Variants in HTR1E observed in about 807,000 individuals in gnomAD.
HTR1E encodes 5-hydroxytryptamine receptor 1E, also known as 5-HT-1E.
HTR1E carries 3 observed loss-of-function variants against 3.4 expected under a neutral mutation model. That is an observed-to-expected ratio of 0.89 (90% CI 0.41 to 2.31). HTR1E has a LOEUF of 2.31. HTR1E is among the 30% of genes most tolerant of loss of function. The pLI is 0.05. For missense variants in HTR1E, 392 were observed against 467.0 expected (o/e 0.84, Z 1.48); for synonymous variants, 170 against 182.8 (o/e 0.93, Z 0.56).
At chr6:86,998,948 T>C (rs1767980429) in intron 1 of HTR1E, among the ~76,000 whole-genome samples, 1 of 152,140 alleles carries the variant, frequency 6.6e-6, no homozygotes, top group African/African-American at 2.4e-5. Flanking sequence ...GGTTGTTTTT[T>C]TGTTTTGTTT....
chr6:86,990,549 G>A (rs1052263111), intron 1 of HTR1E, among the ~76,000 whole-genome samples: 2 of 152,064 alleles, frequency 1.3e-5, no homozygotes, highest in African/African-American at 4.8e-5. Context: ...AACAACTTGA[G>A]CAATAAAATA....
intron 1 of HTR1E, among the ~76,000 whole-genome samples, chr6:86,954,534 G>C (rs752721463): frequency 7.9e-5 from 12 of 152,098 alleles, no homozygotes; most frequent in African/African-American, 1.2e-4. Context: ...ACTATTTCTG[G>C]ATGGGGAGCC....
intron 1 of HTR1E, among the ~76,000 whole-genome samples, chr6:86,997,414 CA>C (rs1219518527): frequency 6.6e-6 from 1 of 151,604 alleles, no homozygotes; most frequent in Non-Finnish European, 1.5e-5. Flanking sequence ...GTTCATATTT[CA>C]AATGACATAA....
At chr6:86,973,934 GC>G (rs982165558) in intron 1 of HTR1E, among the ~76,000 whole-genome samples, 5 of 152,114 alleles carry the variant, frequency 3.3e-5, no homozygotes, top group Non-Finnish European at 5.9e-5. Flanking sequence ...GAACCGACTG[GC>G]CAGTCACAAG....
chr6:86,977,674 A>G (rs1204992966), intron 1 of HTR1E, among the ~76,000 whole-genome samples: 5 of 152,178 alleles, frequency 3.3e-5, no homozygotes, highest in Non-Finnish European at 5.9e-5. Context: ...TTTTCTCCAC[A>G]GCCTCACCAG....
intron 1 of HTR1E, among the ~76,000 whole-genome samples, chr6:86,974,917 T>A (rs1331443771): frequency 6.6e-6 from 1 of 152,204 alleles, no homozygotes; most frequent in Non-Finnish European, 1.5e-5. Flanking sequence ...TGAGCATTTC[T>A]TTGCTTTATG....
At chr6:86,961,330 A>G (rs1767403829) in intron 1 of HTR1E, among the ~76,000 whole-genome samples, 1 of 152,232 alleles carries the variant, frequency 6.6e-6, no homozygotes, top group South Asian at 2.1e-4. Context: ...AAAAGAAAAT[A>G]TATGTTCATA....
intron 1 of HTR1E, among the ~76,000 whole-genome samples, chr6:87,014,630 A>G (rs922561331): frequency 6.6e-6 from 1 of 152,244 alleles, no homozygotes; most frequent in African/African-American, 2.4e-5. Flanking sequence ...GCAGCCATAA[A>G]AAAGGATGAG....
At chr6:86,938,967 T>A (rs1014926436) in intron 1 of HTR1E, among the ~76,000 whole-genome samples, 2 of 152,230 alleles carry the variant, frequency 1.3e-5, no homozygotes, top group African/African-American at 4.8e-5. Context: ...CTTCCCTTAC[T>A]TAATCCTGCG....
chr6:86,939,777 ATGACT>A (rs1768520157), intron 1 of HTR1E, among the ~76,000 whole-genome samples: 1 of 152,222 alleles, frequency 6.6e-6, no homozygotes, highest in Admixed American at 6.5e-5. Context: ...TTCTGCCATA[ATGACT>A]TCATTCAAGG....
chr6:86,962,874 A>T (rs998826105), intron 1 of HTR1E, among the ~76,000 whole-genome samples: 1 of 152,132 alleles, frequency 6.6e-6, no homozygotes, highest in African/African-American at 2.4e-5. Flanking sequence ...AAATAAAAGC[A>T]TACCACATAC....
chr6:87,010,065 C>A (rs1768186310), intron 1 of HTR1E, among the ~76,000 whole-genome samples: 1 of 128,904 alleles, frequency 7.8e-6, no homozygotes, highest in Non-Finnish European at 1.6e-5. Flanking sequence ...GGGGGCTGAC[C>A]CCCCCACCTC....
Position 87,016,057 on chromosome 6 carries a change from T to C in HTR1E, c.723T>C (p.Thr241=). The change falls in exon 2 of 2, where the codon ACT becomes ACC. Residue 241 remains threonine (T), a synonymous_variant. Transcript: ENST00000305344. ...TTGCAAGTTGTAAACTTACACAGAC[T>C]TTCTGTGTGTCTGACTTCTCCACCT... ...NSFASCKLTQ[T]FCVSDFSTSD... 6.2e-7 allele frequency: 1 copy of C among 1,614,178 alleles called. No homozygotes were observed. The highest frequency in any genetic ancestry group is 8.5e-7 in the Non-Finnish European group (1 of 1,180,020).
chr6:86,992,688 C>G (rs1343223780), intron 1 of HTR1E, among the ~76,000 whole-genome samples: 2 of 152,164 alleles, frequency 1.3e-5, no homozygotes, highest in East Asian at 3.9e-4. Context: ...TCTTAGGTGT[C>G]AGGAAATGTG....
intron 1 of HTR1E, chr6:86,971,315 C>T (rs1301418093): frequency 5.0e-6 from 1 of 200,366 alleles, no homozygotes; most frequent in Non-Finnish European, 1.0e-5. Context: ...TCTGTTAGAA[C>T]TGATTATTTC....
intron 1 of HTR1E, among the ~76,000 whole-genome samples, chr6:86,980,994 G>T (rs1767704392): frequency 6.6e-6 from 1 of 152,222 alleles, no homozygotes; most frequent in Admixed American, 6.5e-5. Flanking sequence ...TTCAGGGATG[G>T]ACTGCATAGG....
intron 1 of HTR1E, among the ~76,000 whole-genome samples, chr6:87,002,023 A>C (rs865944552): frequency 6.6e-6 from 1 of 152,216 alleles, no homozygotes; most frequent in African/African-American, 2.4e-5. Flanking sequence ...AGAGACAAAG[A>C]AGGTCATTAT....
At position 87,015,669 on chromosome 6, in the gene HTR1E, A is replaced by G; in HGVS notation, c.335A>G (p.His112Arg). 1 of 1,613,812 alleles carries G rather than the reference A, an allele frequency of 6.2e-7. No homozygotes were observed. ...ACCTGCTGCACCTGCTCCATCCTCC[A>G]CCTCTGTGTCATTGCCCTGGACAGG... The part of the protein sequence containing the change: ...DMTCCTCSIL[H>R]LCVIALDRYW... The change falls in exon 2 of 2, where the codon CAC (histidine) becomes CGC (arginine). Residue 112 changes from histidine (H) to arginine (R), a missense_variant. His to Arg is a conservative substitution (Grantham distance 29). Coordinates refer to ENST00000305344, the MANE Select transcript of HTR1E (RefSeq NM_000865.3).
intron 1 of HTR1E, among the ~76,000 whole-genome samples, chr6:87,010,193 C>T (rs1475128175): frequency 6.1e-5 from 6 of 98,418 alleles, no homozygotes; most frequent in Non-Finnish European, 7.9e-5. Context: ...GGGGCCGACC[C>T]CCCCACCTCC....
Sources: gnomAD v4.1 joint callset for allele counts (sites outside exome capture counted in the v4.1 genomes callset) on GRCh38, gnomAD v4.1.1 for gene constraint, MANE v1.5 for transcripts, NCBI Gene and HGNC (gene_info 2026-07-23, HGNC 2026-07-21) for gene names.